The following TENM3 variants were observed in gnomAD, a reference collection of about 807,000 sequenced individuals.
The protein encoded by TENM3 is teneurin-3.
Under a neutral mutation model 255.1 loss-of-function variants are expected in TENM3, and 63 were observed. The observed-to-expected ratio is 0.25, with a 90% CI of 0.20 to 0.30. The LOEUF is 0.30. Among genes scored for constraint, TENM3 ranks in the 10% least tolerant of loss-of-function variants. TENM3 has a pLI of 1.00. For synonymous variants in TENM3, 1,306 were observed against 1,322.3 expected, an observed-to-expected ratio of 0.99 and a Z score of 0.27; for missense variants, 2,929 against 3,461.1, an observed-to-expected ratio of 0.85 and a Z score of 3.86.
At chr4:182,280,384 A>T (rs748517781) in intron 1 of TENM3, among the ~76,000 whole-genome samples, 1 of 152,196 alleles carries the variant, frequency 6.6e-6, no homozygotes, top group Non-Finnish European at 1.5e-5. Context: ...CAACCAGTCC[A>T]TCATAGTCAC....
chr4:182,573,604 G>T (rs12647705), intron 3 of TENM3, among the ~76,000 whole-genome samples: 1 of 151,946 alleles, frequency 6.6e-6, no homozygotes. Context: ...CAGATTGAAC[G>T]AATGCCACAA....
chr4:182,799,979 C>T lies in TENM3; in HGVS notation c.7728C>T (p.Asn2576=), dbSNP rs1376137883. ...SGRKALENGI[N]VTVSQSTTVV... is the part of the protein sequence containing the mutation. ...GCAAGGCGCTGGAGAACGGCATCAA[C>T]GTGACGGTGTCGCAGTCCACCACGG... Residue 2576 remains asparagine (N), a synonymous_variant, in exon 28 of 28, where the codon AAC becomes AAT. Transcript: ENST00000511685. The surrounding 1 kb of genome is among the most constrained non-coding windows in gnomAD (Gnocchi z 4.2). The T allele has an allele frequency of 1.3e-6, 2 of 1,591,776 alleles. No individual in the cohort carries two copies. The highest frequency in any genetic ancestry group is 1.7e-6 in the Non-Finnish European group (2 of 1,170,022).
At chr4:182,533,544 A>G (rs1296257651) in intron 3 of TENM3, among the ~76,000 whole-genome samples, 1 of 151,918 alleles carries the variant, frequency 6.6e-6, no homozygotes, top group Non-Finnish European at 1.5e-5. Context: ...ATCTCAAAAA[A>G]AAAAAAAAAA....
chr4:182,533,538 C>CAA (rs776649364), intron 3 of TENM3, among the ~76,000 whole-genome samples: 35 of 89,998 alleles, frequency 3.9e-4, no homozygotes, highest in East Asian at 1.9e-3. Flanking sequence ...GACCCTATCT[C>CAA]AAAAAAAAAA....
intron 22 of TENM3, among the ~76,000 whole-genome samples, chr4:182,767,495 C>T (rs1763818237): frequency 6.6e-6 from 1 of 151,960 alleles, no homozygotes; most frequent in Non-Finnish European, 1.5e-5. Flanking sequence ...TTGTTGTTGG[C>T]CGTTAAACTA....
intron 5 of TENM3, among the ~76,000 whole-genome samples, chr4:182,641,499 T>C (rs2152494006): frequency 6.6e-6 from 1 of 152,210 alleles, no homozygotes; most frequent in East Asian, 1.9e-4. Context: ...TAAACATTTG[T>C]TACATAAAAG....
intron 22 of TENM3, among the ~76,000 whole-genome samples, chr4:182,773,079 A>G (rs1764392044): frequency 6.6e-6 from 1 of 152,236 alleles, no homozygotes; most frequent in Non-Finnish European, 1.5e-5. Flanking sequence ...CGAGGGAGTA[A>G]GTCAGTAAAT....
At chr4:182,303,307 A>G (rs1382736239) in intron 1 of TENM3, among the ~76,000 whole-genome samples, 3 of 152,166 alleles carry the variant, frequency 2.0e-5, no homozygotes, top group African/African-American at 7.2e-5. Context: ...GTGTGATTTC[A>G]CACGTTGGTT....
the TENM3 span, among the ~76,000 whole-genome samples, chr4:181,754,664 G>A: frequency 6.6e-6 from 1 of 152,058 alleles, no homozygotes; most frequent in Non-Finnish European, 1.5e-5. Flanking sequence ...GGTTGTGATT[G>A]GGAGGTGATT....
At position 182,601,169 on chromosome 4, in the gene TENM3, C is replaced by T. The variant is rs750365611; in HGVS notation, c.749+8C>T. 2.5e-6 allele frequency: 4 copies of T among 1,609,192 alleles called. No homozygotes were observed. The East Asian group carries it at 8.9e-5, about 36-fold the overall frequency. On this transcript the variant is annotated splice_region_variant and intron_variant, in intron 4 of 27. Transcript: ENST00000511685. ...TGTACCACTGGAAAGCAGGTAACAT[C>T]TAAAATTTCAAAATAAGCTAGCCCA... is the stretch of plus-strand genomic sequence containing the variant.
chr4:182,765,106 A>G (rs2152776093), intron 22 of TENM3, among the ~76,000 whole-genome samples: 1 of 150,952 alleles, frequency 6.6e-6, no homozygotes. Context: ...TGACTTTGAG[A>G]GTACCATGGC....
At chr4:181,599,362 A>G in the TENM3 span, among the ~76,000 whole-genome samples, 1 of 152,210 alleles carries the variant, frequency 6.6e-6, no homozygotes, top group Non-Finnish European at 1.5e-5. Context: ...AACAAAAGCA[A>G]CAGCAGGACA....
At chr4:182,079,015 T>C in the TENM3 span, among the ~76,000 whole-genome samples, 1 of 152,206 alleles carries the variant, frequency 6.6e-6, no homozygotes, top group Non-Finnish European at 1.5e-5. Flanking sequence ...TTTCCATTAG[T>C]GATAATTAGT....
intron 1 of TENM3, among the ~76,000 whole-genome samples, chr4:182,250,950 G>A (rs536999137): frequency 2.0e-5 from 3 of 152,250 alleles, no homozygotes; most frequent in Admixed American, 6.5e-5. Flanking sequence ...GCAAACAAGG[G>A]TTTGTTCACA....
chr4:182,373,196 C>T (rs1423524946), intron 3 of TENM3, among the ~76,000 whole-genome samples: 4 of 152,160 alleles, frequency 2.6e-5, no homozygotes, highest in Non-Finnish European at 4.4e-5. Flanking sequence ...TTTTCTTTGC[C>T]TTTGCAAAAT....
chr4:182,207,581 G>A (rs1035068840), intron 1 of TENM3, among the ~76,000 whole-genome samples: 5 of 152,140 alleles, frequency 3.3e-5, no homozygotes, highest in African/African-American at 1.2e-4. Context: ...AATTGAAGCT[G>A]CCAGCTAAGT....
intron 24 of TENM3, among the ~76,000 whole-genome samples, chr4:182,777,772 G>A (rs1016518310): frequency 2.0e-5 from 3 of 149,414 alleles, no homozygotes; most frequent in Admixed American, 2.0e-4. Flanking sequence ...TGGCCAGGCT[G>A]GTCTTGAACT....
chr4:182,180,018 C>T (rs1400310294), intron 1 of TENM3, among the ~76,000 whole-genome samples: 2 of 151,794 alleles, frequency 1.3e-5, no homozygotes, highest in Non-Finnish European at 2.9e-5. Context: ...TTACAGCCTG[C>T]TTTATGTACT....
chr4:181,465,856 G>A, the TENM3 span, among the ~76,000 whole-genome samples: 1 of 152,114 alleles, frequency 6.6e-6, no homozygotes, highest in Non-Finnish European at 1.5e-5. Flanking sequence ...ATGTCACAGA[G>A]TGAAGGACTG....
Sources: gnomAD v4.1 joint callset for allele counts (sites outside exome capture counted in the v4.1 genomes callset) on GRCh38, gnomAD v4.1.1 for gene constraint, Gnocchi (gnomAD v3.1) non-coding constraint, MANE v1.5 for transcripts, NCBI Gene and HGNC (gene_info 2026-07-23, HGNC 2026-07-21) for gene names.